The following DNAH11 variants were observed in gnomAD, a reference collection of about 807,000 sequenced individuals.
The protein encoded by DNAH11 is dynein axonemal heavy chain 11, also known as axonemal beta dynein heavy chain 11.
A neutral mutation model predicts 526.0 loss-of-function variants in DNAH11; 442 were observed. The observed-to-expected ratio is 0.84, with a 90% CI of 0.78 to 0.91. The LOEUF is 0.91. Among genes scored for constraint, DNAH11 ranks in the 40% least tolerant of loss-of-function variants. DNAH11 has a pLI of 0.00. For missense variants in DNAH11, 6,989 were observed against 5,448.7 expected (o/e 1.28, Z -8.90); for synonymous variants, 2,461 against 1,935.9 (o/e 1.27, Z -7.12).
chr7:21,830,613 C>T (rs1424566537), intron 65 of DNAH11, among the ~76,000 whole-genome samples: 1 of 152,086 alleles, frequency 6.6e-6, no homozygotes, highest in Non-Finnish European at 1.5e-5. Context: ...TCTAGAGACC[C>T]AGGTTCTAGT....
intron 4 of DNAH11, 92 bp downstream of exon 4, chr7:21,559,884 T>C (rs1783387005): frequency 1.4e-5 from 15 of 1,098,174 alleles, no homozygotes; most frequent in Non-Finnish European, 1.9e-5. Context: ...CACACTGTCT[T>C]TGTATAATTT....
chr7:21,867,378 T>G (rs1361062702), intron 71 of DNAH11, among the ~76,000 whole-genome samples: 1 of 152,222 alleles, frequency 6.6e-6, no homozygotes, highest in Non-Finnish European at 1.5e-5. Context: ...TTAATTCTGC[T>G]TAGTAGTACT....
intron 57 of DNAH11, 108 bp from the exon 58 acceptor site, chr7:21,784,319 C>A: frequency 2.4e-6 from 2 of 838,510 alleles, no homozygotes; most frequent in South Asian, 1.5e-5. Context: ...GTTCAAAGTA[C>A]AGAGAAATGA....
In DNAH11 at chr7:21,545,018, G is replaced by A; in HGVS notation, c.364G>A (p.Ala122Thr). The A allele has an allele frequency of 6.3e-7, 1 of 1,586,224 alleles. No homozygotes were observed. Among genetic ancestry groups the A allele is most frequent in the Non-Finnish European group, 8.6e-7 (1 of 1,166,092 alleles). The change falls in exon 2 of 82, where the codon GCA becomes ACA. Residue 122 changes from alanine (A) to threonine (T), a missense_variant. By Grantham distance (58) the Ala-to-Thr change is moderately conservative (BLOSUM62 0). Coordinates refer to ENST00000409508, the MANE Select transcript of DNAH11 (RefSeq NM_001277115.2). ...GCTCTTGTTTTAGATTCCAAGAGAT[G>A]CAAACCATAAACTTGTTTTTATTTC... ...LAASQEIPRD[A>T]NHKLVFISKK...
intron 20 of DNAH11, among the ~76,000 whole-genome samples, chr7:21,610,177 C>T (rs908671792): frequency 1.1e-4 from 17 of 152,088 alleles, no homozygotes; most frequent in Admixed American, 4.6e-4. Context: ...TGGCGTGAAC[C>T]TGGGAGGTGT....
intron 2 of DNAH11, among the ~76,000 whole-genome samples, chr7:21,552,392 G>A (rs1783055631): frequency 6.6e-6 from 1 of 152,146 alleles, no homozygotes; most frequent in South Asian, 2.1e-4. Flanking sequence ...CTTAGGCAAA[G>A]GCAGACCCAC....
At position 21,773,957 on chromosome 7, in the gene DNAH11, C is replaced by A; in HGVS notation, c.9294C>A (p.Arg3098=). 1 of 1,582,132 alleles carries A rather than the reference C, an allele frequency of 6.3e-7. No homozygotes were observed. Among genetic ancestry groups the A allele is most frequent in the African/African-American group, 1.4e-5 (1 of 74,042 alleles). ...ATGAGGTATCCGAGAAAAAAGAACG[C>A]CTGGTGAACGGCATCCAAAAGCTAA... ...KQNEVSEKKE[R]LVNGIQKLKT... is the part of the protein sequence containing the mutation. The change falls in exon 56 of 82, where the codon CGC becomes CGA. Residue 3098 remains arginine, a synonymous_variant. Transcript: ENST00000409508.
intron 24 of DNAH11, 66 bp from the exon 25 acceptor site, chr7:21,619,890 G>C: frequency 6.9e-7 from 1 of 1,447,318 alleles, no homozygotes. Context: ...ATTAATTCCA[G>C]ATAATAGTCT....
At chr7:21,711,589 ACTTCTGATTCAGG>A (rs1244575076) in intron 41 of DNAH11, 110 bp from the exon 42 acceptor site, 4 of 1,355,928 alleles carry the variant, frequency 3.0e-6, no homozygotes, top group Non-Finnish European at 3.9e-6. Flanking sequence ...TTCAGACTGC[ACTTCTGATTCAGG>A]AGAGTGAGCA....
chr7:21,748,122 A>G (rs181372759), intron 51 of DNAH11, among the ~76,000 whole-genome samples: 19 of 151,928 alleles, frequency 1.3e-4, no homozygotes, highest in Non-Finnish European at 2.6e-4. Flanking sequence ...CAAATGAACA[A>G]GGACTAGAGG....
chr7:21,871,320 C>G (rs775581204), intron 73 of DNAH11, among the ~76,000 whole-genome samples: 15 of 152,150 alleles, frequency 9.9e-5, no homozygotes, highest in Non-Finnish European at 2.1e-4. Context: ...TATAGATTGT[C>G]TAAAAGTGTT....
chr7:21,825,828 G>A (rs865777646), intron 65 of DNAH11, among the ~76,000 whole-genome samples: 5 of 151,858 alleles, frequency 3.3e-5, no homozygotes, highest in East Asian at 1.9e-4. Context: ...GTGTAGTAGC[G>A]GGTGCCTGTA....
At chr7:21,694,909 A>G (rs55725629) in intron 35 of DNAH11, among the ~76,000 whole-genome samples, 20,685 of 152,174 alleles carry the variant, frequency 0.14, 1,450 homozygotes, top group East Asian at 0.21. Context: ...GCATGAGATG[A>G]CATCTCATTG....
chr7:21,728,612 T>A (rs1331119770), intron 45 of DNAH11, among the ~76,000 whole-genome samples: 2 of 152,124 alleles, frequency 1.3e-5, no homozygotes, highest in African/African-American at 4.8e-5. Flanking sequence ...AAGTCCCAAA[T>A]ATAATCCAAA....
intron 65 of DNAH11, among the ~76,000 whole-genome samples, chr7:21,838,097 T>G (rs2128013221): frequency 6.6e-6 from 1 of 152,310 alleles, no homozygotes; most frequent in South Asian, 2.1e-4. Flanking sequence ...GTGAGATCAT[T>G]TTGGAAATCC....
chr7:21,606,312 G>C, intron 18 of DNAH11, 114 bp from the exon 19 acceptor site: 1 of 882,878 alleles, frequency 1.1e-6, no homozygotes, highest in Non-Finnish European at 1.7e-6. Context: ...GATAGAGCCA[G>C]ACCTTGTCTC....
intron 56 of DNAH11, among the ~76,000 whole-genome samples, chr7:21,776,816 C>T (rs1787688708): frequency 6.6e-6 from 1 of 152,120 alleles, no homozygotes; most frequent in Non-Finnish European, 1.5e-5. Flanking sequence ...ACAGACAGGT[C>T]CCTGTCACAT....
chr7:21,751,154 T>C (rs922294947), intron 54 of DNAH11, among the ~76,000 whole-genome samples: 1 of 151,984 alleles, frequency 6.6e-6, no homozygotes. Flanking sequence ...TGAAACCCCA[T>C]CTCTACTAAA....
At chr7:21,693,223 C>T (rs941334876) in intron 35 of DNAH11, among the ~76,000 whole-genome samples, 4 of 152,214 alleles carry the variant, frequency 2.6e-5, no homozygotes, top group Admixed American at 1.3e-4. Flanking sequence ...CTATAGTTTT[C>T]GTATGGGTTT....
Sources: gnomAD v4.1 joint callset for allele counts (sites outside exome capture counted in the v4.1 genomes callset) on GRCh38, gnomAD v4.1.1 for gene constraint, MANE v1.5 for transcripts, NCBI Gene and HGNC (gene_info 2026-07-23, HGNC 2026-07-21) for gene names.